Variants in PAPPA2 observed in about 807,000 individuals in gnomAD.
PAPPA2 encodes the protein pappalysin 2.
In PAPPA2, 86 loss-of-function variants were observed where a neutral mutation model predicts 176.4. The ratio of observed to expected loss-of-function variants is 0.49; its 90% CI spans 0.41 to 0.58. PAPPA2 has a LOEUF of 0.58. PAPPA2 is among the 20% of genes least tolerant of loss of function. PAPPA2 has a pLI of 0.00. For synonymous variants in PAPPA2, 809 were observed against 852.2 expected, an observed-to-expected ratio of 0.95 and a Z score of 0.88; for missense variants, 2,073 against 2,256.9, an observed-to-expected ratio of 0.92 and a Z score of 1.65.
intron 20 of PAPPA2, among the ~76,000 whole-genome samples, chr1:176,794,889 C>A (rs1665358459): frequency 6.6e-6 from 1 of 152,196 alleles, no homozygotes; most frequent in Non-Finnish European, 1.5e-5. Context: ...GGGATCTAGA[C>A]CCTTCTGGTG....
At chr1:176,688,936 G>T (rs1008077736) in intron 4 of PAPPA2, among the ~76,000 whole-genome samples, 3 of 152,182 alleles carry the variant, frequency 2.0e-5, no homozygotes, top group Non-Finnish European at 4.4e-5. Flanking sequence ...GAGAAAGGCA[G>T]AGCTATTCTC....
intron 15 of PAPPA2, 135 bp from the exon 16 acceptor site, chr1:176,769,472 G>T: frequency 1.1e-6 from 1 of 874,354 alleles, no homozygotes; most frequent in African/African-American, 1.7e-5. Flanking sequence ...GAGGCCTGAA[G>T]AGGGAGAAAG....
intron 1 of PAPPA2, among the ~76,000 whole-genome samples, chr1:176,491,046 T>G (rs968248754): frequency 6.6e-6 from 1 of 152,218 alleles, no homozygotes; most frequent in Non-Finnish European, 1.5e-5. Context: ...CTAACTGGCT[T>G]TGCTGCCCAA....
intron 21 of PAPPA2, among the ~76,000 whole-genome samples, chr1:176,839,259 A>C (rs1239420337): frequency 2.0e-5 from 3 of 152,156 alleles, no homozygotes. Flanking sequence ...GCAGGACAAC[A>C]TTTCCCTCCA....
chr1:176,728,468 G>A (rs1558546558), intron 12 of PAPPA2, among the ~76,000 whole-genome samples: 1 of 151,782 alleles, frequency 6.6e-6, no homozygotes, highest in Non-Finnish European at 1.5e-5. Context: ...AAACTAAAAA[G>A]AAATTTGAAA....
In PAPPA2 at chr1:176,757,713, G is replaced by T. The variant is rs537869366; in HGVS notation, c.4152-7953G>T. Among the ~76,000 whole-genome samples the T allele has an allele frequency of 8.4e-4, 128 of 152,220 alleles. 3 individuals carry two copies. The South Asian group carries it at 0.018, about 21-fold the overall frequency. ...GCAGAAGCTCTTTAGTTTAATTAGA[G>T]CCCATTTGTCAATTTTGGCTTTTGT... On this transcript the variant is annotated intron_variant, in intron 14 of 22. Coordinates refer to ENST00000367662, the MANE Select transcript of PAPPA2 (RefSeq NM_020318.3).
intron 1 of PAPPA2, among the ~76,000 whole-genome samples, chr1:176,541,999 TTTC>T (rs1317350978): frequency 2.0e-5 from 3 of 152,224 alleles, no homozygotes; most frequent in Non-Finnish European, 4.4e-5. Context: ...TGTTGAATAG[TTTC>T]TTATTTTCCT....
At chr1:176,737,282 G>A (rs986514214) in intron 12 of PAPPA2, among the ~76,000 whole-genome samples, 3 of 152,074 alleles carry the variant, frequency 2.0e-5, no homozygotes, top group Admixed American at 6.6e-5. Flanking sequence ...TCCAAGAATC[G>A]AACTCAGGGT....
At chr1:176,642,867 C>A (rs989813187) in intron 3 of PAPPA2, among the ~76,000 whole-genome samples, 1 of 151,944 alleles carries the variant, frequency 6.6e-6, no homozygotes, top group Non-Finnish European at 1.5e-5. Context: ...TTAGTCTTCC[C>A]TCTAATCTTT....
At chr1:176,715,691 G>T (rs1367923618) in intron 12 of PAPPA2, among the ~76,000 whole-genome samples, 1 of 152,126 alleles carries the variant, frequency 6.6e-6, no homozygotes, top group East Asian at 1.9e-4. Context: ...TAAGACCCAG[G>T]AATACCAGAA....
At chr1:176,646,196 T>A (rs1657390238) in intron 3 of PAPPA2, among the ~76,000 whole-genome samples, 1 of 151,642 alleles carries the variant, frequency 6.6e-6, no homozygotes, top group East Asian at 1.9e-4. Context: ...ATTTCCCCAA[T>A]GTTTTCTCCT....
rs531518092 is a variant in PAPPA2, at chr1:176,820,885, G to A, written c.5203-19288G>A. Among the ~76,000 whole-genome samples the A allele has an allele frequency of 1.9e-3, 294 of 152,214 alleles. 1 individual carries two copies. Among genetic ancestry groups the A allele is most frequent in the African/African-American group, 6.6e-3 (272 of 41,522 alleles). On this transcript the variant is annotated intron_variant, in intron 21 of 22. Coordinates refer to ENST00000367662, the MANE Select transcript of PAPPA2 (RefSeq NM_020318.3). ...AATATGTTCTAACCCAGGAATGTAC[G>A]ATACTTCATGCATGGGAAGCATCTT...
At chr1:176,665,708 G>T (rs1658603035) in intron 3 of PAPPA2, among the ~76,000 whole-genome samples, 1 of 152,040 alleles carries the variant, frequency 6.6e-6, no homozygotes, top group South Asian at 2.1e-4. Context: ...TCTTTCCATG[G>T]ACACAGGCAT....
intron 19 of PAPPA2, among the ~76,000 whole-genome samples, 162 bp from the exon 20 acceptor site, chr1:176,793,398 A>G (rs890310853): frequency 1.3e-5 from 2 of 152,208 alleles, no homozygotes; most frequent in Non-Finnish European, 2.9e-5. Context: ...GTATTCCTAC[A>G]GGAACACAGT....
chr1:176,478,053 T>C (rs1652222286), intron 1 of PAPPA2, among the ~76,000 whole-genome samples: 1 of 152,218 alleles, frequency 6.6e-6, no homozygotes, highest in African/African-American at 2.4e-5. Flanking sequence ...GTAACAGGTC[T>C]GGAAACTGCT....
At chr1:176,753,441 T>C (rs1229482530) in intron 14 of PAPPA2, among the ~76,000 whole-genome samples, 2 of 152,128 alleles carry the variant, frequency 1.3e-5, no homozygotes, top group Non-Finnish European at 1.5e-5. Flanking sequence ...TTCCCTCCTC[T>C]TCCACCTGGA....
intron 3 of PAPPA2, among the ~76,000 whole-genome samples, chr1:176,602,062 G>T (rs186986409): frequency 9.0e-4 from 137 of 152,292 alleles, no homozygotes; most frequent in African/African-American, 3.2e-3. Flanking sequence ...GTTGAACAAG[G>T]CATCAATCAT....
At position 176,556,318 on chromosome 1, in the gene PAPPA2, G is replaced by A; in HGVS notation, c.-5G>A. On this transcript the variant is annotated 5_prime_UTR_variant, in exon 2 of 23. Transcript: ENST00000367662. ...TCTGGTTCTGTAGAAAGAGCTAGGG[G>A]AGGTATGATGTGCTTAAAGATCCTA... 1 of 1,612,152 alleles carries A rather than the reference G, an allele frequency of 6.2e-7. No homozygotes were observed. Among genetic ancestry groups the A allele is most frequent in the Non-Finnish European group, 8.5e-7 (1 of 1,178,894 alleles).
intron 1 of PAPPA2, among the ~76,000 whole-genome samples, chr1:176,545,684 T>C (rs573430536): frequency 1.6e-4 from 25 of 152,310 alleles, no homozygotes; most frequent in African/African-American, 6.0e-4. Context: ...CTCAGTGGGT[T>C]CCTGGAACCC....
Sources: allele counts gnomAD v4.1 joint callset (sites outside exome capture counted in the v4.1 genomes callset), GRCh38; gene constraint gnomAD v4.1.1; transcripts MANE v1.5; gene names NCBI Gene and HGNC (gene_info 2026-07-23, HGNC 2026-07-21).